TERT: variants seen among roughly 807,000 people sequenced by gnomAD.
The protein encoded by TERT is telomerase reverse transcriptase.
Under a neutral mutation model 104.0 loss-of-function variants are expected in TERT, and 42 were observed. That is an observed-to-expected ratio of 0.40 (90% CI 0.32 to 0.52). The LOEUF (loss-of-function observed/expected upper bound fraction) is 0.52. Among genes scored for constraint, TERT ranks in the 20% least tolerant of loss-of-function variants. The pLI, the probability that TERT is intolerant of heterozygous loss-of-function variation, is 0.43. For synonymous variants in TERT, 781 were observed against 725.6 expected (o/e 1.08, Z -1.23); for missense variants, 1,101 against 1,610.3 (o/e 0.68, Z 5.41).
In TERT at chr5:1,254,504, C is replaced by T. The variant is rs200002330; in HGVS notation, c.3159G>A (p.Gly1053=). The T allele has an allele frequency of 2.0e-5, 32 of 1,611,438 alleles. No homozygotes were observed. In the African/African-American group the frequency reaches 2.0e-4, roughly 10 times the overall value. The change falls in exon 15 of 16, where the codon GGG becomes GGA. Residue 1053 remains glycine, a splice_region_variant and synonymous_variant. Transcript: ENST00000310581. Reference sequence around the variant, plus strand: ...CGGCGCCCTTGGCCCCCAGCGACATCCCTGGGGGAAAACAGAGGCTGAGGA... The same window carrying T: ...CGGCGCCCTTGGCCCCCAGCGACATTCCTGGGGGAAAACAGAGGCTGAGGA... ...CYSILKAKNA[G]MSLGAKGAAG...
intron 2 of TERT, among the ~76,000 whole-genome samples, chr5:1,283,782 A>G (rs1219337843): frequency 1.3e-3 from 137 of 104,494 alleles, no homozygotes; most frequent in Middle Eastern, 9.1e-3. Context: ...ACCTCACCCC[A>G]GACCTGCACC....
rs372081008 is a variant in TERT at position 1,266,449 on chromosome 5, C to T, written c.2654+15G>A. On this transcript the variant is annotated intron_variant, in intron 10 of 15. Coordinates refer to ENST00000310581, the MANE Select transcript of TERT (RefSeq NM_198253.3). ...GGCTGTGGAGGTCCCCACAGACACACGGCACGGGCCTCACCTGAGGAAGGT... is the reference window on the plus strand; with the variant it reads ...GGCTGTGGAGGTCCCCACAGACACATGGCACGGGCCTCACCTGAGGAAGGT... The T allele has an allele frequency of 8.9e-5, 142 of 1,601,700 alleles. No homozygotes were observed. Among genetic ancestry groups the T allele is most frequent in the Non-Finnish European group, 1.0e-4 (119 of 1,173,644 alleles).
At chr5:1,275,400 A>AAAAG (rs1450877942) in intron 6 of TERT, among the ~76,000 whole-genome samples, 1 of 148,720 alleles carries the variant, frequency 6.7e-6, no homozygotes, top group East Asian at 1.9e-4. Context: ...AAGAAAGAAA[A>AAAAG]AAAGAAAGAA....
chr5:1,280,449 G>C, intron 3 of TERT, 111 bp from the exon 4 acceptor site: 2 of 1,204,064 alleles, frequency 1.7e-6, no homozygotes, highest in Non-Finnish European at 2.4e-6. Context: ...GGGCACCCAC[G>C]GCAGCACACG....
At chr5:1,280,850 T>C (rs1749974711) in intron 3 of TERT, among the ~76,000 whole-genome samples, 1 of 152,226 alleles carries the variant, frequency 6.6e-6, no homozygotes, top group Non-Finnish European at 1.5e-5. Context: ...CTGACACCTC[T>C]GCCCTTTGGC....
intron 2 of TERT, among the ~76,000 whole-genome samples, chr5:1,283,354 C>G (rs538594887): frequency 6.2e-5 from 8 of 128,408 alleles, no homozygotes; most frequent in East Asian, 2.6e-4. Flanking sequence ...GCGACCTCAC[C>G]CCGGACCTGC....
chr5:1,292,534 C>G lies in TERT; in HGVS notation c.1573+779G>C, dbSNP rs563486068. Among the ~76,000 whole-genome samples, 3,956 of 150,190 alleles carry G rather than the reference C, an allele frequency of 0.026. 167 individuals carry two copies. The highest frequency in any genetic ancestry group is 0.089 in the African/African-American group (3,655 of 40,900). On this transcript the variant is annotated intron_variant, in intron 2 of 15. Coordinates refer to ENST00000310581, the MANE Select transcript of TERT (RefSeq NM_198253.3). This position sits in a 1 kb window ranked among gnomAD's most constrained non-coding sequence, Gnocchi z 5.5. ...AACGAACACTTTTTTTTTTTAAAGA[C>G]AGAGTTTCACTCTTGTCGCCCAGGC...
In TERT at chr5:1,262,581, G is replaced by C. The variant is rs1040324073; in HGVS notation, c.2843+1823C>G. Among the ~76,000 whole-genome samples, 3 of 152,184 alleles carry C rather than the reference G, an allele frequency of 2.0e-5. No individual in the cohort carries two copies. Among genetic ancestry groups the C allele is most frequent in the African/African-American group, 7.2e-5 (3 of 41,442 alleles). On this transcript the variant is annotated intron_variant, in intron 11 of 15. Coordinates refer to ENST00000310581, the MANE Select transcript of TERT (RefSeq NM_198253.3). The surrounding 1 kb of genome is among the most constrained non-coding windows in gnomAD (Gnocchi z 5.6). The stretch of plus-strand genomic sequence containing the variant: ...CACTGCCTCCACTGCTGAGCTTTTA[G>C]AGCCACCTCTGCAAGCACACACTCT...
rs1368334887 is a variant in TERT at position 1,265,842 on chromosome 5, G to A, written c.2654+622C>T. 6.6e-6 allele frequency among the ~76,000 whole-genome samples: 1 copy of A among 152,148 alleles called. No homozygotes were observed. Among genetic ancestry groups the A allele is most frequent in the Non-Finnish European group, 1.5e-5 (1 of 68,012 alleles). On this transcript the variant is annotated intron_variant, in intron 10 of 15. Coordinates refer to ENST00000310581, the MANE Select transcript of TERT (RefSeq NM_198253.3). The surrounding 1 kb of genome is among the most constrained non-coding windows in gnomAD (Gnocchi z 6.9). ...ACCGGCTCTGTGGGGCGCCCTTGAG[G>A]GGGACCACATTGGACAATCCCCTGT...
rs1189811983 is a variant in TERT at position 1,279,481 on chromosome 5, C to T, written c.1951-11G>A. The T allele has an allele frequency of 1.3e-5, 20 of 1,548,544 alleles. No homozygotes were observed. Among genetic ancestry groups the T allele is most frequent in the Non-Finnish European group, 1.7e-5 (19 of 1,147,042 alleles). ...GGTGAGACGCTCGGCCTGGCGGGGA[C>T]AGCATGGGAGACAGTCAGGAAAGTG... On this transcript the variant is annotated splice_polypyrimidine_tract_variant and intron_variant, in intron 4 of 15. Transcript: ENST00000310581.
chr5:1,293,050 C>T (rs1038462891), intron 2 of TERT, among the ~76,000 whole-genome samples: 1 of 152,248 alleles, frequency 6.6e-6, no homozygotes, highest in South Asian at 2.1e-4. Context: ...GCCCAGCCTC[C>T]TCTGTTCACT....
intron 2 of TERT, among the ~76,000 whole-genome samples, chr5:1,291,122 T>G (rs1395640339): frequency 3.2e-4 from 38 of 119,436 alleles, no homozygotes; most frequent in Admixed American, 4.0e-4. Flanking sequence ...ACCCTGCACG[T>G]GACAGGGACA....
chr5:1,290,337 CGGGG>C, intron 2 of TERT, among the ~76,000 whole-genome samples: 1 of 65,432 alleles, frequency 1.5e-5, no homozygotes, highest in Admixed American at 1.6e-4. Context: ...CAGGGACACC[CGGGG>C]ACGGCACCTC....
At chr5:1,282,140 C>G (rs915859616) in intron 3 of TERT, among the ~76,000 whole-genome samples, 2 of 152,144 alleles carry the variant, frequency 1.3e-5, no homozygotes, top group Non-Finnish European at 2.9e-5. Context: ...CAGGGAAAGG[C>G]AAGGAGGCTA....
intron 12 of TERT, among the ~76,000 whole-genome samples, 189 bp downstream of exon 12, chr5:1,260,285 C>T (rs1257068211): frequency 1.3e-5 from 2 of 152,146 alleles, no homozygotes; most frequent in Non-Finnish European, 2.9e-5. Flanking sequence ...CACACCTGTG[C>T]ACACACTGCC....
At position 1,261,548 on chromosome 5, in the gene TERT, T is replaced by C. The variant is rs758594739; in HGVS notation, c.2844-948A>G. 7.9e-5 allele frequency among the ~76,000 whole-genome samples: 12 copies of C among 152,210 alleles called. No individual in the cohort carries two copies. The highest frequency in any genetic ancestry group is 1.6e-4 in the Non-Finnish European group (11 of 68,032). On this transcript the variant is annotated intron_variant, in intron 11 of 15. Coordinates refer to ENST00000310581, the MANE Select transcript of TERT (RefSeq NM_198253.3). The surrounding 1 kb of genome is among the most constrained non-coding windows in gnomAD (Gnocchi z 7.4). ...TTTCCAGCTTGCCTCAACCTGATGC[T>C]GGCTCTTGGCAAGCCCAGAAAAGGA...
In TERT at chr5:1,286,771, A is replaced by G. The variant is rs900023640; in HGVS notation, c.1574-4147T>C. 1.3e-5 allele frequency among the ~76,000 whole-genome samples: 2 copies of G among 152,012 alleles called. No individual in the cohort carries two copies. Among genetic ancestry groups the G allele is most frequent in the Non-Finnish European group, 2.9e-5 (2 of 68,002 alleles). On this transcript the variant is annotated intron_variant, in intron 2 of 15. Coordinates refer to ENST00000310581, the MANE Select transcript of TERT (RefSeq NM_198253.3). The surrounding 1 kb of genome is among the most constrained non-coding windows in gnomAD (Gnocchi z 5.3). Reference sequence around the variant, plus strand: ...TGGGCGCCTGTAATCCCAGCTACTCATGAGGTTGAGGAATGAGAACTGCTT... The same window carrying G: ...TGGGCGCCTGTAATCCCAGCTACTCGTGAGGTTGAGGAATGAGAACTGCTT...
chr5:1,278,403 T>G (rs1228306394), intron 6 of TERT, among the ~76,000 whole-genome samples: 2 of 150,874 alleles, frequency 1.3e-5, no homozygotes, highest in East Asian at 3.9e-4. Context: ...CACACACACA[T>G]GCACACCACA....
Position 1,293,931 on chromosome 5 carries a change from T to C in TERT, c.955A>G (p.Thr319Ala). The C allele has an allele frequency of 6.5e-7, 1 of 1,543,818 alleles. No individual in the cohort carries two copies. The highest frequency in any genetic ancestry group is 2.4e-5 in the East Asian group (1 of 40,936). ...STSRPPRPWD[T>A]PCPPVYAETK... ...TCGGCGTACACCGGGGGACAAGGCG[T>C]GTCCCAGGGACGTGGTGGCCGCGAT... Residue 319 changes from threonine to alanine, a missense_variant, in exon 2 of 16, where the codon ACG (threonine) becomes GCG (alanine). By Grantham distance (58) the Thr-to-Ala change is moderately conservative (BLOSUM62 0). Around this residue, in one of 5 missense-constraint regions of TERT, gnomAD observed 504 missense variants for 544.6 expected, o/e 0.93. Transcript: ENST00000310581.
Sources: allele counts gnomAD v4.1 joint callset (sites outside exome capture counted in the v4.1 genomes callset), GRCh38; gene constraint gnomAD v4.1.1; regional missense constraint gnomAD v4.1.1; non-coding constraint Gnocchi (gnomAD v3.1); transcripts MANE v1.5; gene names NCBI Gene and HGNC (gene_info 2026-07-23, HGNC 2026-07-21).